Variants in AR observed in about 807,000 individuals in gnomAD.
AR encodes androgen receptor.
Under a neutral mutation model 53.9 loss-of-function variants are expected in AR, and 8 were observed. That is an observed-to-expected ratio of 0.15 (90% CI 0.09 to 0.27). The LOEUF (loss-of-function observed/expected upper bound fraction) is 0.27, where lower values mean the gene tolerates loss of function less well. AR is among the 10% of genes least tolerant of loss of function. The probability of loss-of-function intolerance (pLI) is 1.00; values close to 1 mark genes in which losing one functional copy is unlikely to be tolerated. For synonymous variants in AR, 359 were observed against 316.4 expected, an observed-to-expected ratio of 1.13 and a Z score of -1.43; for missense variants, 639 against 742.5, an observed-to-expected ratio of 0.86 and a Z score of 1.62.
chrX:67,571,217 C>T (rs1207142567), intron 1 of AR, among the ~76,000 whole-genome samples: 1 of 112,119 alleles, frequency 8.9e-6, no homozygotes, highest in African/African-American at 3.2e-5. Flanking sequence ...GGAAATTCCA[C>T]ATGTGGCTCA....
intron 1 of AR, chrX:67,568,869 G>A (rs1411798593): frequency 7.6e-6 from 9 of 1,186,139 alleles, no homozygotes; most frequent in East Asian, 6.0e-5. Flanking sequence ...TTCCTCGGAG[G>A]TCATCTGTTC....
chrX:67,633,452 G>A (rs891379528), intron 1 of AR, among the ~76,000 whole-genome samples: 1 of 112,049 alleles, frequency 8.9e-6, no homozygotes, highest in Non-Finnish European at 1.9e-5. Context: ...CCACGTTGCT[G>A]CAAAGGACAT....
At chrX:67,708,538 A>G (rs1356793239) in intron 3 of AR, among the ~76,000 whole-genome samples, 1 of 111,261 alleles carries the variant, frequency 9.0e-6, no homozygotes, top group East Asian at 2.8e-4. Context: ...CTAGTTAGCC[A>G]TTCGTCTAAT....
chrX:67,617,518 C>A (rs1924178689), intron 1 of AR, among the ~76,000 whole-genome samples: 1 of 111,351 alleles, frequency 9.0e-6, no homozygotes. Context: ...GTTAAAGAAC[C>A]CCTAATCCAA....
At chrX:67,628,640 C>A (rs995251862) in intron 1 of AR, among the ~76,000 whole-genome samples, 1 of 109,794 alleles carries the variant, frequency 9.1e-6, no homozygotes, top group African/African-American at 3.3e-5. Flanking sequence ...CCTTCTTCTG[C>A]CTAATTGCCC....
intron 1 of AR, among the ~76,000 whole-genome samples, chrX:67,628,534 G>A (rs1156669045): frequency 3.7e-5 from 4 of 108,373 alleles, no homozygotes; most frequent in Non-Finnish European, 5.8e-5. Flanking sequence ...AGGAGATTTT[G>A]GGCTGAGACA....
intron 1 of AR, among the ~76,000 whole-genome samples, chrX:67,618,196 C>T (rs1411095284): frequency 8.1e-5 from 9 of 110,986 alleles, no homozygotes; most frequent in Non-Finnish European, 1.9e-5. Flanking sequence ...CTACTGAGGA[C>T]AGAGAAATAA....
Position 67,723,667 on chromosome X carries a change from C to G in AR, c.2608-19C>G. 8.3e-7 allele frequency: 1 copy of G among 1,209,247 alleles called. No homozygotes were observed. Among genetic ancestry groups the G allele is most frequent in the Non-Finnish European group, 1.1e-6 (1 of 894,191 alleles). Reference sequence around the variant, plus strand: ...CTCCTTGTCAACCCTGTTTTTCTCCCTCTTATTGTTCCCTACAGATTGCGA... The same window carrying G: ...CTCCTTGTCAACCCTGTTTTTCTCCGTCTTATTGTTCCCTACAGATTGCGA... On this transcript the variant is annotated intron_variant, in intron 7 of 7. Coordinates refer to ENST00000374690, the MANE Select transcript of AR (RefSeq NM_000044.6).
In AR at chrX:67,546,031, A is replaced by G. The variant is rs755590843; in HGVS notation, c.885A>G (p.Leu295=). The G allele has an allele frequency of 8.3e-7, 1 of 1,211,172 alleles. No individual in the cohort carries two copies. The highest frequency in any genetic ancestry group is 1.7e-5 in the African/African-American group (1 of 57,496). Residue 295 remains leucine, a synonymous_variant, in exon 1 of 8, where the codon CTA becomes CTG. Transcript: ENST00000374690. The stretch of plus-strand genomic sequence containing the variant: ...TGGCCGAATGCAAAGGTTCTCTGCT[A>G]GACGACAGCGCAGGCAAGAGCACTG... ...APLAECKGSL[L]DDSAGKSTED...
In AR at chrX:67,677,253, A is replaced by G. The variant is rs147846631; in HGVS notation, c.1769-8757A>G. 4.1e-3 allele frequency among the ~76,000 whole-genome samples: 464 copies of G among 112,084 alleles called. 1 individual carries two copies. Among genetic ancestry groups the G allele is most frequent in the African/African-American group, 0.014 (445 of 30,870 alleles). On this transcript the variant is annotated intron_variant, in intron 2 of 7. Coordinates refer to ENST00000374690, the MANE Select transcript of AR (RefSeq NM_000044.6). ...TTCTTTAGGAAAACGTTAAAATCACATGATCTTCCAGGACCTGGGCTGCTT... is the reference window on the plus strand; with the variant it reads ...TTCTTTAGGAAAACGTTAAAATCACGTGATCTTCCAGGACCTGGGCTGCTT...
intron 1 of AR, among the ~76,000 whole-genome samples, chrX:67,574,533 A>G (rs1921963061): frequency 9.0e-6 from 1 of 111,355 alleles, no homozygotes; most frequent in Non-Finnish European, 1.9e-5. Context: ...GCCTAGGGCA[A>G]TGACTGCCAT....
chrX:67,607,118 C>A (rs1167976110), intron 1 of AR, among the ~76,000 whole-genome samples: 1 of 111,325 alleles, frequency 9.0e-6, no homozygotes, highest in African/African-American at 3.3e-5. Context: ...CAACCTCCGC[C>A]TCCCAGGTTC....
intron 2 of AR, 156 bp from the exon 3 acceptor site, chrX:67,685,854 G>T (rs2075963399): frequency 3.8e-6 from 3 of 792,536 alleles, no homozygotes; most frequent in East Asian, 3.5e-5. Context: ...TGAATATTTA[G>T]GTTCTGTATG....
chrX:67,596,396 C>T (rs1923084775), intron 1 of AR, among the ~76,000 whole-genome samples: 1 of 110,509 alleles, frequency 9.0e-6, no homozygotes, highest in African/African-American at 3.3e-5. Flanking sequence ...GTATTTATTT[C>T]CTTTGTTTTT....
At chrX:67,569,038 A>AT (rs1338476717) in intron 1 of AR, 12 of 1,208,444 alleles carry the variant, frequency 9.9e-6, no homozygotes, top group Non-Finnish European at 1.3e-5. Flanking sequence ...AGGTTCTTCA[A>AT]TTGAAAACTT....
At chrX:67,648,733 CAG>C (rs1447574238) in intron 2 of AR, among the ~76,000 whole-genome samples, 2 of 112,109 alleles carry the variant, frequency 1.8e-5, no homozygotes, top group East Asian at 2.8e-4. Flanking sequence ...TTTTATGAAA[CAG>C]GGATTAATAA....
chrX:67,660,133 A>T (rs932548033), intron 2 of AR, among the ~76,000 whole-genome samples: 1 of 111,817 alleles, frequency 8.9e-6, no homozygotes, highest in African/African-American at 3.2e-5. Context: ...AGATGAGTAG[A>T]TTGCAAAAGT....
At chrX:67,548,650 T>TTGCTAAAAAATGTGTGCCTTCC (rs1240797130) in intron 1 of AR, among the ~76,000 whole-genome samples, 2 of 111,347 alleles carry the variant, frequency 1.8e-5, no homozygotes, top group Non-Finnish European at 3.8e-5. Flanking sequence ...TTCCACATAT[T>TTGCTAAAAAATGTGTGCCTTCC]TGCTAAAAAA....
chrX:67,672,699 T>C (rs1447968077), intron 2 of AR, among the ~76,000 whole-genome samples: 1 of 111,573 alleles, frequency 9.0e-6, no homozygotes, highest in Non-Finnish European at 1.9e-5. Flanking sequence ...CATCTTATTG[T>C]ACTGTTTATG....
Sources: gnomAD v4.1 joint callset for allele counts (sites outside exome capture counted in the v4.1 genomes callset) on GRCh38, gnomAD v4.1.1 for gene constraint, MANE v1.5 for transcripts, NCBI Gene and HGNC (gene_info 2026-07-23, HGNC 2026-07-21) for gene names.